WDR49: variants seen among roughly 807,000 people sequenced by gnomAD.
WDR49 encodes the protein cilia- and flagella-associated protein 337.
A neutral mutation model predicts 119.5 loss-of-function variants in WDR49; 107 were observed. The ratio of observed to expected loss-of-function variants is 0.90; its 90% CI spans 0.77 to 1.05. WDR49 has a LOEUF of 1.05. Among genes scored for constraint, WDR49 ranks in the 50% least tolerant of loss-of-function variants. The pLI is 0.00. For missense variants in WDR49, 1,240 were observed against 1,220.5 expected (o/e 1.02, Z -0.24); for synonymous variants, 425 against 418.8 (o/e 1.01, Z -0.18).
At chr3:167,607,351 G>A (rs754040069) in intron 5 of WDR49, among the ~76,000 whole-genome samples, 2 of 152,252 alleles carry the variant, frequency 1.3e-5, no homozygotes, top group African/African-American at 2.4e-5. Context: ...TCATTTTGGG[G>A]TATCACTTTC....
At chr3:167,602,447 T>C (rs1434267950) in intron 6 of WDR49, among the ~76,000 whole-genome samples, 172 bp from the exon 7 acceptor site, 1 of 152,036 alleles carries the variant, frequency 6.6e-6, no homozygotes, top group Non-Finnish European at 1.5e-5. Flanking sequence ...AGAGCATGAG[T>C]TCTGTCAATA....
chr3:167,615,961 T>C (rs1409942023), intron 5 of WDR49, among the ~76,000 whole-genome samples: 1 of 152,230 alleles, frequency 6.6e-6, no homozygotes, highest in Non-Finnish European at 1.5e-5. Flanking sequence ...CTGCTTAGTT[T>C]TGAGTGCTTC....
intron 10 of WDR49, among the ~76,000 whole-genome samples, chr3:167,546,936 A>T (rs1156700666): frequency 6.6e-6 from 1 of 151,868 alleles, no homozygotes; most frequent in Non-Finnish European, 1.5e-5. Context: ...GCAGAGAATT[A>T]GTTTGATATA....
At chr3:167,627,394 G>T in intron 2 of WDR49, 102 bp from the exon 3 acceptor site, 1 of 1,084,304 alleles carries the variant, frequency 9.2e-7, no homozygotes, top group Non-Finnish European at 1.2e-6. Context: ...CAGCAATTCT[G>T]CCAACATGAA....
At chr3:167,601,633 A>G (rs1715776795) in intron 7 of WDR49, among the ~76,000 whole-genome samples, 1 of 152,164 alleles carries the variant, frequency 6.6e-6, no homozygotes. Context: ...TATTTAAAAT[A>G]TCCCATCAAT....
intron 10 of WDR49, among the ~76,000 whole-genome samples, chr3:167,547,997 C>T (rs928078540): frequency 9.9e-5 from 15 of 151,948 alleles, no homozygotes; most frequent in African/African-American, 3.6e-4. Context: ...TATGTTAATA[C>T]AGATTAAATG....
intron 3 of WDR49, 151 bp downstream of exon 3, chr3:167,626,701 C>T (rs1388466302): frequency 7.6e-6 from 4 of 526,214 alleles, no homozygotes; most frequent in Non-Finnish European, 1.2e-5. Context: ...ACAAGGCACC[C>T]AAGAAAACAG....
chr3:167,505,081 C>T (rs934634966), intron 17 of WDR49, among the ~76,000 whole-genome samples: 14 of 152,164 alleles, frequency 9.2e-5, no homozygotes. Flanking sequence ...GTCCAATACA[C>T]TGACTAAGAC....
intron 5 of WDR49, among the ~76,000 whole-genome samples, chr3:167,608,150 C>G (rs1577273483): frequency 1.3e-5 from 2 of 152,146 alleles, no homozygotes. Context: ...GGCAATGATT[C>G]TCATTCAGGA....
At chr3:167,623,055 C>T (rs1716944919) in intron 3 of WDR49, among the ~76,000 whole-genome samples, 1 of 151,934 alleles carries the variant, frequency 6.6e-6, no homozygotes, top group African/African-American at 2.4e-5. Flanking sequence ...AAAAAAGTGT[C>T]ACAAAGAAAA....
intron 18 of WDR49, among the ~76,000 whole-genome samples, chr3:167,492,667 G>C (rs1751190020): frequency 6.6e-6 from 1 of 152,086 alleles, no homozygotes; most frequent in Admixed American, 6.6e-5. Flanking sequence ...TTCAGTTGAG[G>C]AAACTAAGGC....
chr3:167,498,450 G>C (rs1162911316), intron 18 of WDR49, among the ~76,000 whole-genome samples: 1 of 152,102 alleles, frequency 6.6e-6, no homozygotes, highest in African/African-American at 2.4e-5. Flanking sequence ...GCAGGGTGGA[G>C]GGGGGAGGGT....
At chr3:167,594,947 A>G (rs1373946614) in intron 7 of WDR49, among the ~76,000 whole-genome samples, 12 of 150,892 alleles carry the variant, frequency 8.0e-5, no homozygotes, top group African/African-American at 2.4e-4. Context: ...TGCAGACGAC[A>G]TGATTGTATA....
intron 7 of WDR49, among the ~76,000 whole-genome samples, chr3:167,587,902 G>T (rs927176307): frequency 5.9e-5 from 9 of 152,046 alleles, no homozygotes; most frequent in Admixed American, 6.6e-5. Flanking sequence ...ATCACATCAG[G>T]GTAAATGGAG....
intron 7 of WDR49, among the ~76,000 whole-genome samples, chr3:167,597,508 G>A (rs1003949166): frequency 6.6e-6 from 1 of 152,158 alleles, no homozygotes; most frequent in Non-Finnish European, 1.5e-5. Flanking sequence ...GCTGTGAGAA[G>A]AGGGCCACCA....
intron 11 of WDR49, among the ~76,000 whole-genome samples, chr3:167,534,637 C>A (rs1752962339): frequency 6.6e-6 from 1 of 152,080 alleles, no homozygotes; most frequent in African/African-American, 2.4e-5. Flanking sequence ...AGTTTTCATT[C>A]CTCTTAATTG....
chr3:167,479,121 G>T, intron 18 of WDR49, 125 bp from the exon 19 acceptor site: 1 of 718,750 alleles, frequency 1.4e-6, no homozygotes, highest in Non-Finnish European at 2.2e-6. Context: ...AAAACACAGA[G>T]TGTATTTGGA....
chr3:167,517,465 C>A (rs1462763357), intron 16 of WDR49, among the ~76,000 whole-genome samples: 1 of 152,086 alleles, frequency 6.6e-6, no homozygotes, highest in Admixed American at 6.5e-5. Flanking sequence ...ACTGGCTAGC[C>A]ATATGCAGGA....
intron 16 of WDR49, 62 bp downstream of exon 16, chr3:167,522,253 A>C: frequency 1.4e-6 from 2 of 1,455,496 alleles, no homozygotes; most frequent in Non-Finnish European, 1.8e-6. Context: ...AATTTGGACC[A>C]ATCTTATCTA....
Sources: gnomAD v4.1 joint callset for allele counts (sites outside exome capture counted in the v4.1 genomes callset) on GRCh38, gnomAD v4.1.1 for gene constraint, MANE v1.5 for transcripts, NCBI Gene and HGNC (gene_info 2026-07-23, HGNC 2026-07-21) for gene names.